The following PLEKHA5 variants were observed in gnomAD, a reference collection of about 807,000 sequenced individuals.
The protein encoded by PLEKHA5 is pleckstrin homology domain-containing family A member 5.
A neutral mutation model predicts 181.9 loss-of-function variants in PLEKHA5; 55 were observed. The observed-to-expected ratio is 0.30, with a 90% CI of 0.24 to 0.38. The LOEUF is 0.38. PLEKHA5 is among the 10% of genes least tolerant of loss of function. PLEKHA5 has a pLI of 1.00. For missense variants in PLEKHA5, 1,432 were observed against 1,549.5 expected, an observed-to-expected ratio of 0.92 and a Z score of 1.27; for synonymous variants, 535 against 529.4, an observed-to-expected ratio of 1.01 and a Z score of -0.15.
chr12:19,180,848 A>G (rs2048371931), intron 3 of PLEKHA5, among the ~76,000 whole-genome samples: 1 of 149,724 alleles, frequency 6.7e-6, no homozygotes, highest in African/African-American at 2.5e-5. Flanking sequence ...TGTGCTTTAT[A>G]TGCACCTACG....
chr12:19,253,063 C>CTTTTTTTTTTTTTTTTTTTTTTTTTTT (rs1314175368), intron 3 of PLEKHA5, among the ~76,000 whole-genome samples: 2 of 51,992 alleles, frequency 3.8e-5, no homozygotes, highest in Admixed American at 2.1e-4. Flanking sequence ...AATCAACTTA[C>CTTTTTTTTTTTTTTTTTTTTTTTTTTT]CTTTTTTTTT....
At chr12:19,220,374 A>G (rs1314890139) in intron 3 of PLEKHA5, among the ~76,000 whole-genome samples, 1 of 152,134 alleles carries the variant, frequency 6.6e-6, no homozygotes, top group Admixed American at 6.6e-5. Flanking sequence ...AACTGACGTC[A>G]TCTAGCTTGC....
At chr12:19,244,034 T>G (rs1005902351) in intron 3 of PLEKHA5, among the ~76,000 whole-genome samples, 1 of 152,128 alleles carries the variant, frequency 6.6e-6, no homozygotes, top group Non-Finnish European at 1.5e-5. Context: ...AAATGAAAAG[T>G]TATCTATGTG....
At chr12:19,301,567 C>T (rs1173649347) in intron 15 of PLEKHA5, among the ~76,000 whole-genome samples, 1 of 152,098 alleles carries the variant, frequency 6.6e-6, no homozygotes, top group African/African-American at 2.4e-5. Context: ...ATGGCACTAG[C>T]CCAGGCCTTC....
In PLEKHA5 at chr12:19,187,960, G is replaced by A. The variant is rs373457969; in HGVS notation, c.227+55510G>A. Reference sequence around the variant, plus strand: ...GTGGCTGACCAAGCTTCACAGAAACGACTACTTGTTTGCTAAGATTCTTTG... The same window carrying A: ...GTGGCTGACCAAGCTTCACAGAAACAACTACTTGTTTGCTAAGATTCTTTG... On this transcript the variant is annotated intron_variant, in intron 3 of 31. Coordinates refer to ENST00000429027, the MANE Select transcript of PLEKHA5 (RefSeq NM_001256470.2). Among the ~76,000 whole-genome samples, 10 of 152,242 alleles carry A rather than the reference G, an allele frequency of 6.6e-5. No individual in the cohort carries two copies. The East Asian group carries it at 1.7e-3, about 26-fold the overall frequency.
intron 3 of PLEKHA5, chr12:19,152,527 A>G (rs2040665400): frequency 6.6e-6 from 1 of 152,238 alleles, no homozygotes; most frequent in Non-Finnish European, 1.5e-5. Context: ...TAAATTGCCC[A>G]TGCAATGCAG....
At chr12:19,165,435 C>CTG (rs1349941554) in intron 3 of PLEKHA5, among the ~76,000 whole-genome samples, 58 of 143,922 alleles carry the variant, frequency 4.0e-4, no homozygotes, top group African/African-American at 1.4e-3. Context: ...TCTGTGTACT[C>CTG]TATTTTTTTT....
chr12:19,230,353 T>C (rs927851285), intron 3 of PLEKHA5, among the ~76,000 whole-genome samples: 2 of 152,186 alleles, frequency 1.3e-5, no homozygotes, highest in African/African-American at 4.8e-5. Flanking sequence ...TCCCATGCCG[T>C]GCGCCCGCAC....
chr12:19,332,567 A>G (rs1479916668), intron 20 of PLEKHA5, among the ~76,000 whole-genome samples: 1 of 152,148 alleles, frequency 6.6e-6, no homozygotes, highest in Non-Finnish European at 1.5e-5. Flanking sequence ...ATAGCACACC[A>G]CAGCCTCCAA....
chr12:19,328,568 T>A (rs879884288), intron 20 of PLEKHA5, among the ~76,000 whole-genome samples: 22 of 148,032 alleles, frequency 1.5e-4, no homozygotes, highest in Non-Finnish European at 2.5e-4. Context: ...AGTGTGTGTG[T>A]GTGTGTGTGT....
At position 19,375,303 on chromosome 12, in the gene PLEKHA5, G is replaced by A. The variant is rs552368536; in HGVS notation, c.*12-228G>A. On this transcript the variant is annotated intron_variant, in intron 31 of 31. Transcript: ENST00000429027. ...CATACCACTGCACCCCAGCCTAGGC[G>A]ATAGTGATACCCTGTCTCAAAAAAA... is the stretch of plus-strand genomic sequence containing the variant. Among the ~76,000 whole-genome samples, 18 of 152,038 alleles carry A rather than the reference G, an allele frequency of 1.2e-4. No homozygotes were observed. The East Asian group carries it at 3.3e-3, about 28-fold the overall frequency.
At chr12:19,249,380 C>T (rs1045294914) in intron 3 of PLEKHA5, among the ~76,000 whole-genome samples, 2 of 152,004 alleles carry the variant, frequency 1.3e-5, no homozygotes, top group African/African-American at 4.8e-5. Flanking sequence ...CAGGTTGCAT[C>T]GACAGTTTAG....
rs1321375760 is a variant in PLEKHA5 at position 19,369,741 on chromosome 12, C to G, written c.3803C>G (p.Ser1268Cys). Residue 1268 changes from serine (S) to cysteine (C), a missense_variant, in exon 31 of 32, where the codon TCC becomes TGC. Coordinates refer to ENST00000429027, the MANE Select transcript of PLEKHA5 (RefSeq NM_001256470.2). ...SPESSASPVP[S>C]TQPQLTEGSH... ...GAGTCCTCGGCATCGCCAGTTCCAT[C>G]CACTCAGCCGCAGCTCACAGAAGGA... is the stretch of plus-strand genomic sequence containing the variant. 2 of 1,612,700 alleles carry G rather than the reference C, an allele frequency of 1.2e-6. No homozygotes were observed. The highest frequency in any genetic ancestry group is 1.3e-5 in the African/African-American group (1 of 74,912).
At chr12:19,258,801 A>G (rs1170353797) in intron 6 of PLEKHA5, among the ~76,000 whole-genome samples, 1 of 151,812 alleles carries the variant, frequency 6.6e-6, no homozygotes, top group Non-Finnish European at 1.5e-5. Context: ...CCTTTCCTCA[A>G]ATGACCACCC....
At chr12:19,353,138 TTTA>T (rs1178321914) in intron 25 of PLEKHA5, among the ~76,000 whole-genome samples, 1 of 151,262 alleles carries the variant, frequency 6.6e-6, no homozygotes, top group Non-Finnish European at 1.5e-5. Flanking sequence ...CTTTGACTCT[TTTA>T]TTTTTATTTA....
intron 3 of PLEKHA5, among the ~76,000 whole-genome samples, chr12:19,235,110 A>G (rs1285938343): frequency 6.6e-6 from 1 of 152,200 alleles, no homozygotes; most frequent in Non-Finnish European, 1.5e-5. Flanking sequence ...AGGATCATGA[A>G]TCACTACTTC....
intron 21 of PLEKHA5, 96 bp downstream of exon 21, chr12:19,336,712 T>C: frequency 1.5e-6 from 1 of 670,680 alleles, no homozygotes; most frequent in Middle Eastern, 2.9e-4. Flanking sequence ...TAACAGTTTT[T>C]ACATTATTGG....
At chr12:19,191,390 C>T (rs2051084205) in intron 3 of PLEKHA5, among the ~76,000 whole-genome samples, 1 of 152,140 alleles carries the variant, frequency 6.6e-6, no homozygotes, top group Admixed American at 6.5e-5. Flanking sequence ...ACACTGAATG[C>T]TTTGAGTTAA....
intron 25 of PLEKHA5, among the ~76,000 whole-genome samples, chr12:19,352,384 C>CA (rs200203166): frequency 0.11 from 13,383 of 124,118 alleles, 825 homozygotes; most frequent in Admixed American, 0.19. Context: ...GACTCCATCT[C>CA]AAAAAAAAAA....
Sources: gnomAD v4.1 joint callset for allele counts (sites outside exome capture counted in the v4.1 genomes callset) on GRCh38, gnomAD v4.1.1 for gene constraint, MANE v1.5 for transcripts, NCBI Gene and HGNC (gene_info 2026-07-23, HGNC 2026-07-21) for gene names.